Variants in MCM3AP observed in about 807,000 individuals in gnomAD.
The protein encoded by MCM3AP is germinal-center associated nuclear protein.
A neutral mutation model predicts 184.1 loss-of-function variants in MCM3AP; 126 were observed. That is an observed-to-expected ratio of 0.68 (90% CI 0.59 to 0.79). MCM3AP has a LOEUF of 0.79. MCM3AP is among the 30% of genes least tolerant of loss of function. The pLI is 0.00. For missense variants in MCM3AP, 2,496 were observed against 2,479.2 expected, an observed-to-expected ratio of 1.01 and a Z score of -0.14; for synonymous variants, 1,002 against 979.3, an observed-to-expected ratio of 1.02 and a Z score of -0.43.
At chr21:46,263,340 C>G (rs2081065868) in intron 13 of MCM3AP, among the ~76,000 whole-genome samples, 1 of 151,442 alleles carries the variant, frequency 6.6e-6, no homozygotes, top group Admixed American at 6.6e-5. Flanking sequence ...AAAAACAAAA[C>G]AAAACAAACA....
intron 22 of MCM3AP, 62 bp downstream of exon 22, chr21:46,246,245 A>G (rs952795834): frequency 6.9e-6 from 7 of 1,008,210 alleles, no homozygotes; most frequent in Middle Eastern, 2.0e-4. Flanking sequence ...TCAATTCAAG[A>G]TACAGCAAAA....
intron 20 of MCM3AP, chr21:46,247,123 CT>C (rs35214687): frequency 0.38 from 143,240 of 373,342 alleles, 14,323 homozygotes; most frequent in African/African-American, 0.47. Context: ...TCCCCTCAAC[CT>C]TTTTTTTTTT....
chr21:46,274,374 G>A (rs181718874), intron 6 of MCM3AP, among the ~76,000 whole-genome samples: 8 of 152,326 alleles, frequency 5.3e-5, no homozygotes, highest in Admixed American at 1.3e-4. Flanking sequence ...TACCAGAGAA[G>A]CATTACATAC....
At chr21:46,281,392 AGATGAG>A (rs1388766125) in intron 2 of MCM3AP, among the ~76,000 whole-genome samples, 1 of 152,226 alleles carries the variant, frequency 6.6e-6, no homozygotes, top group African/African-American at 2.4e-5. Context: ...GTAACAGGAG[AGATGAG>A]GATATTCAGT....
intron 27 of MCM3AP, chr21:46,236,168 A>G (rs1312784074): frequency 6.6e-6 from 1 of 152,268 alleles, no homozygotes; most frequent in Non-Finnish European, 1.5e-5. Flanking sequence ...AGTATTTGCC[A>G]AACTGATGAA....
Position 46,265,943 on chromosome 21 carries a change from G to T in MCM3AP, c.3013C>A (p.Pro1005Thr). The T allele has an allele frequency of 6.3e-7, 1 of 1,588,366 alleles. No individual in the cohort carries two copies. Among genetic ancestry groups the T allele is most frequent in the South Asian group, 1.2e-5 (1 of 85,622 alleles). The change falls in exon 11 of 28, where the codon CCC becomes ACC. Residue 1005 changes from proline (P) to threonine (T), a missense_variant. Coordinates refer to ENST00000291688, the MANE Select transcript of MCM3AP (RefSeq NM_003906.5). ...CACTCACCCACTGTGTCGGAGCCGG[G>T]TCTCTGGGTGCTGACGGGCAGCTCC... ...AAELPVSTQR[P>T]GSDTVGGGRG...
At chr21:46,276,464 G>A (rs1273617351) in intron 5 of MCM3AP, among the ~76,000 whole-genome samples, 1 of 151,864 alleles carries the variant, frequency 6.6e-6, no homozygotes, top group East Asian at 1.9e-4. Context: ...TTTTTGAGAT[G>A]GAGTTTCGCT....
chr21:46,279,732 C>T (rs543403789), intron 4 of MCM3AP, among the ~76,000 whole-genome samples: 1 of 152,376 alleles, frequency 6.6e-6, no homozygotes, highest in South Asian at 2.1e-4. Context: ...CTGCTCTCCA[C>T]CATCTCTGCA....
Position 46,273,520 on chromosome 21 carries a change from G to C in MCM3AP, c.2064C>G (p.Pro688=). 6.2e-7 allele frequency: 1 copy of C among 1,613,902 alleles called. No individual in the cohort carries two copies. Residue 688 remains proline, a synonymous_variant, in exon 7 of 28, where the codon CCC becomes CCG. Coordinates refer to ENST00000291688, the MANE Select transcript of MCM3AP (RefSeq NM_003906.5). ...GCACTGGCAAGGGCCGCAGCTCGTGGGGCAGGGGCTCCTCCTGATCCGCCG... is the reference window on the plus strand; with the variant it reads ...GCACTGGCAAGGGCCGCAGCTCGTGCGGCAGGGGCTCCTCCTGATCCGCCG... The part of the protein sequence containing the change: ...RSSADQEEPL[P]HELRPLPVLS...
chr21:46,284,016 T>C (rs1487100817), intron 1 of MCM3AP, 52 bp downstream of exon 1: 5 of 1,569,640 alleles, frequency 3.2e-6, no homozygotes, highest in South Asian at 2.4e-5. Context: ...GAGAAACGTA[T>C]TGAAAACCTG....
chr21:46,278,899 T>G (rs2081289094), intron 4 of MCM3AP, among the ~76,000 whole-genome samples: 2 of 147,424 alleles, frequency 1.4e-5, no homozygotes, highest in Admixed American at 1.4e-4. Context: ...GGTCTCAATC[T>G]CCTGACCTTG....
At chr21:46,246,542 C>A in intron 21 of MCM3AP, 86 bp downstream of exon 21, 1 of 1,563,182 alleles carries the variant, frequency 6.4e-7, no homozygotes, top group Non-Finnish European at 8.8e-7. Context: ...TTCCTGACCC[C>A]AACACTACTG....
Position 46,236,927 on chromosome 21 carries a change from C to A in MCM3AP, c.5686G>T (p.Asp1896Tyr). 6.3e-7 allele frequency: 1 copy of A among 1,578,422 alleles called. No individual in the cohort carries two copies. Among genetic ancestry groups the A allele is most frequent in the Non-Finnish European group, 8.6e-7 (1 of 1,167,996 alleles). Residue 1896 changes from aspartate (D) to tyrosine (Y), a missense_variant, in exon 27 of 28, where the codon GAT becomes TAT. Physicochemically the swap from Asp to Tyr is radical, Grantham distance 160. This residue lies in a region of MCM3AP where 1,323 missense variants were observed against 1,273.4 expected (regional missense o/e 1.04). Coordinates refer to ENST00000291688, the MANE Select transcript of MCM3AP (RefSeq NM_003906.5). ...AGATAGAGGGGAAGGGAAGTTAAAT[C>A]CGTAAATGCTCCTGAGTCTTCAGAC... is the stretch of plus-strand genomic sequence containing the variant. Reference protein sequence around the residue: ...WLSEDSGAFTDLTSLPLYLPQ... With the variant: ...WLSEDSGAFTYLTSLPLYLPQ...
Position 46,273,452 on chromosome 21 carries a change from T to C in MCM3AP, c.2132A>G (p.Gln711Arg). The C allele has an allele frequency of 6.2e-7, 1 of 1,614,014 alleles. No homozygotes were observed. The highest frequency in any genetic ancestry group is 1.1e-5 in the South Asian group (1 of 91,080). ...MDYLVTQIMD[Q>R]KEGSLRDWYD... is the part of the protein sequence containing the mutation. ...CCAATCCCGCAGGCTGCCCTCCTTC[T>C]GGTCCATGATCTGGGTCACCAGGTA... The change falls in exon 7 of 28, where the codon CAG becomes CGG. Residue 711 changes from glutamine (Q) to arginine (R), a missense_variant. Coordinates refer to ENST00000291688, the MANE Select transcript of MCM3AP (RefSeq NM_003906.5).
intron 5 of MCM3AP, among the ~76,000 whole-genome samples, chr21:46,277,216 A>G (rs2081267245): frequency 6.6e-6 from 1 of 152,230 alleles, no homozygotes; most frequent in Non-Finnish European, 1.5e-5. Context: ...GCCCTGTCCA[A>G]GACGGAGCAC....
chr21:46,265,540 A>T lies in MCM3AP; in HGVS notation c.3032-17T>A. On this transcript the variant is annotated splice_polypyrimidine_tract_variant and intron_variant, in intron 11 of 27. Transcript: ENST00000291688. ...TCCCTCCGCCTGGAAGGAAACATACAGGACAAAACATAGCTGCAGACACAG... is the reference window on the plus strand; with the variant it reads ...TCCCTCCGCCTGGAAGGAAACATACTGGACAAAACATAGCTGCAGACACAG... 2 of 1,555,864 alleles carry T rather than the reference A, an allele frequency of 1.3e-6. No homozygotes were observed. The highest frequency in any genetic ancestry group is 1.7e-6 in the Non-Finnish European group (2 of 1,149,014).
rs2081400351 is a variant in MCM3AP, at chr21:46,285,366, A to G, written c.-80T>C. ...GCTTCCTGAAACAGCCTGTAGCACT[A>G]GGGAGTTCCCCTTCGTCTTTAGAAC... On this transcript the variant is annotated 5_prime_UTR_variant, in exon 1 of 28. Transcript: ENST00000291688. The G allele has an allele frequency of 2.2e-6, 2 of 889,266 alleles. No individual in the cohort carries two copies. The highest frequency in any genetic ancestry group is 1.8e-6 in the Non-Finnish European group (1 of 557,244). 55.1% of individuals were successfully genotyped at this position (889,266 alleles called of 1,614,324 possible). A position where few individuals can be genotyped will look rare whatever the true frequency, so the allele number is the denominator to read the frequency against.
chr21:46,278,093 G>C (rs781527173), intron 4 of MCM3AP, among the ~76,000 whole-genome samples: 2 of 151,792 alleles, frequency 1.3e-5, no homozygotes, highest in Non-Finnish European at 2.9e-5. Context: ...AGAGGTTGCA[G>C]TGAGCTGAGA....
In MCM3AP at chr21:46,266,036, C is replaced by CG; in HGVS notation, c.2919dup (p.Val974ArgfsTer92). The stretch of plus-strand genomic sequence containing the variant: ...CTGCACACAGGGGTATGACGAGGGA[C>CG]GGGGGGCAATGGCCCTCCGTTCACA... On this transcript the variant is annotated frameshift_variant, in exon 11 of 28. Transcript: ENST00000291688. LOFTEE classifies it high-confidence loss of function. The CG allele has an allele frequency of 1.9e-6, 3 of 1,611,954 alleles. No homozygotes were observed. The highest frequency in any genetic ancestry group is 2.5e-6 in the Non-Finnish European group (3 of 1,179,100).
Sources: allele counts gnomAD v4.1 joint callset (sites outside exome capture counted in the v4.1 genomes callset), GRCh38; gene constraint gnomAD v4.1.1; regional missense constraint gnomAD v4.1.1; transcripts MANE v1.5; gene names NCBI Gene and HGNC (gene_info 2026-07-23, HGNC 2026-07-21).